Variants in LIMS1 observed in about 807,000 individuals in gnomAD.
LIMS1 encodes LIM and senescent cell antigen-like-containing domain protein 1.
In LIMS1, 18 loss-of-function variants were observed where a neutral mutation model predicts 44.1. That is an observed-to-expected ratio of 0.41 (90% CI 0.28 to 0.61). LIMS1 has a LOEUF of 0.61. Ranked by LOEUF, LIMS1 falls within the 20% of genes least tolerant of loss-of-function variation. LIMS1 has a pLI of 0.32. For synonymous variants in LIMS1, 93 were observed against 149.1 expected (o/e 0.62, Z 2.74); for missense variants, 201 against 422.0 (o/e 0.48, Z 4.59).
chr2:108,609,388 G>T (rs1352616737), intron 1 of LIMS1, among the ~76,000 whole-genome samples: 1 of 151,990 alleles, frequency 6.6e-6, no homozygotes, highest in Non-Finnish European at 1.5e-5. Context: ...TTCTAACCTT[G>T]TGTGGCTTAT....
chr2:108,552,694 A>G (rs990482104), intron 1 of LIMS1, among the ~76,000 whole-genome samples: 4 of 151,214 alleles, frequency 2.6e-5, no homozygotes, highest in Admixed American at 6.6e-5. Flanking sequence ...GGCTGAAGCA[A>G]TCCTCCCAAG....
intron 1 of LIMS1, among the ~76,000 whole-genome samples, chr2:108,582,841 T>A (rs914085924): frequency 2.6e-5 from 4 of 152,162 alleles, no homozygotes; most frequent in African/African-American, 9.7e-5. Flanking sequence ...CTAAGTTTTC[T>A]GGGAATGCCA....
At chr2:108,674,349 AT>A (rs965989524) in intron 5 of LIMS1, among the ~76,000 whole-genome samples, 12 of 152,208 alleles carry the variant, frequency 7.9e-5, no homozygotes, top group Middle Eastern at 3.4e-3. Flanking sequence ...AAATAAAAAA[AT>A]ATTCTTTACT....
chr2:108,602,440 C>A (rs991543856), intron 1 of LIMS1, among the ~76,000 whole-genome samples: 11 of 152,124 alleles, frequency 7.2e-5, no homozygotes, highest in African/African-American at 2.7e-4. Flanking sequence ...TCATACATGG[C>A]TTTTATTATG....
intron 1 of LIMS1, among the ~76,000 whole-genome samples, chr2:108,595,804 C>A (rs17036565): frequency 0.012 from 1,855 of 152,234 alleles, 45 homozygotes; most frequent in African/African-American, 0.043. Context: ...TCGTTTGGAG[C>A]CTCTTTTTTT....
chr2:108,580,647 A>T (rs932457430), intron 1 of LIMS1, among the ~76,000 whole-genome samples: 4 of 152,172 alleles, frequency 2.6e-5, no homozygotes, highest in African/African-American at 9.7e-5. Flanking sequence ...AAAGTAGTAA[A>T]TCGATTCAGA....
At chr2:108,589,633 G>A (rs1222113264) in intron 1 of LIMS1, among the ~76,000 whole-genome samples, 2 of 152,070 alleles carry the variant, frequency 1.3e-5, no homozygotes, top group African/African-American at 2.4e-5. Context: ...TTTGAAGTAG[G>A]TGTCTATTGC....
At chr2:108,538,996 T>A (rs796523876) in intron 1 of LIMS1, among the ~76,000 whole-genome samples, 19 of 152,354 alleles carry the variant, frequency 1.2e-4, no homozygotes, top group African/African-American at 4.6e-4. Context: ...TGTGATATGA[T>A]TTGTACATCC....
chr2:108,661,803 C>T (rs1573583998), intron 2 of LIMS1, among the ~76,000 whole-genome samples: 1 of 152,150 alleles, frequency 6.6e-6, no homozygotes, highest in South Asian at 2.1e-4. Flanking sequence ...TCCCAAGGCA[C>T]ATTGAAGGGA....
intron 1 of LIMS1, among the ~76,000 whole-genome samples, chr2:108,563,513 G>T (rs939639815): frequency 2.2e-5 from 3 of 137,314 alleles, no homozygotes; most frequent in African/African-American, 8.0e-5. Context: ...CTGCAGATGT[G>T]GTGGAAATCA....
intron 1 of LIMS1, among the ~76,000 whole-genome samples, chr2:108,606,881 A>C (rs41348450): frequency 0.033 from 5,070 of 152,300 alleles, 291 homozygotes; most frequent in African/African-American, 0.12. Context: ...TGGTTGGGAA[A>C]TTAAAATATA....
chr2:108,617,292 A>G (rs1328559239), intron 1 of LIMS1, among the ~76,000 whole-genome samples: 1 of 152,240 alleles, frequency 6.6e-6, no homozygotes, highest in Non-Finnish European at 1.5e-5. Flanking sequence ...AAGCTGGACT[A>G]TGACAAGTTT....
At chr2:108,599,819 C>T (rs564631448) in intron 1 of LIMS1, among the ~76,000 whole-genome samples, 6 of 151,852 alleles carry the variant, frequency 4.0e-5, no homozygotes, top group Admixed American at 6.6e-5. Flanking sequence ...GCCATTTGTA[C>T]GTTTTCTTTT....
intron 1 of LIMS1, among the ~76,000 whole-genome samples, chr2:108,591,789 GTTTTT>G (rs935084572): frequency 1.1e-5 from 1 of 91,358 alleles, no homozygotes; most frequent in Non-Finnish European, 2.3e-5. Flanking sequence ...AATGTTTTTA[GTTTTT>G]TTTTTTGTTT....
chr2:108,678,365 G>A (rs150951811), intron 8 of LIMS1: 11 of 381,380 alleles, frequency 2.9e-5, no homozygotes, highest in African/African-American at 1.3e-4. Flanking sequence ...ATCTGCTATC[G>A]TAGTTAGGAA....
intron 1 of LIMS1, among the ~76,000 whole-genome samples, chr2:108,566,662 T>A (rs999322409): frequency 6.6e-6 from 1 of 152,096 alleles, no homozygotes. Context: ...AGTGGCATGA[T>A]CTCAGCTTAC....
intron 1 of LIMS1, among the ~76,000 whole-genome samples, chr2:108,638,729 G>C (rs972383597): frequency 4.0e-5 from 6 of 151,444 alleles, no homozygotes; most frequent in African/African-American, 1.5e-4. Flanking sequence ...CCTGGCAACA[G>C]AGTGAGACTC....
chr2:108,650,114 C>T (rs1246240482), intron 1 of LIMS1, among the ~76,000 whole-genome samples: 1 of 152,224 alleles, frequency 6.6e-6, no homozygotes, highest in African/African-American at 2.4e-5. Flanking sequence ...CAAACAACAG[C>T]CTCCCACCCT....
chr2:108,585,442 AT>A lies in LIMS1; in HGVS notation c.32+50852del, dbSNP rs75893304. The stretch of plus-strand genomic sequence containing the variant: ...TTAGGCATGGTGGGGAGGGGAGTTT[AT>A]TTTAGGCATCATGAGTTTGAGTTGC... On this transcript the variant is annotated intron_variant, in intron 1 of 9. Transcript: ENST00000544547. 0.068 allele frequency among the ~76,000 whole-genome samples: 10,393 copies of A among 152,088 alleles called. 2,692 individuals carry two copies. In the East Asian group the frequency reaches 0.85, roughly 12 times the overall value.
Sources: allele counts gnomAD v4.1 joint callset (sites outside exome capture counted in the v4.1 genomes callset), GRCh38; gene constraint gnomAD v4.1.1; transcripts MANE v1.5; gene names NCBI Gene and HGNC (gene_info 2026-07-23, HGNC 2026-07-21).